INTS2: variants seen among roughly 807,000 people sequenced by gnomAD.
The protein encoded by INTS2 is KIAA1287.
In INTS2, 57 loss-of-function variants were observed where a neutral mutation model predicts 139.6. The observed-to-expected ratio is 0.41, with a 90% CI of 0.33 to 0.51. The LOEUF is 0.51. Ranked by LOEUF, INTS2 falls within the 20% of genes least tolerant of loss-of-function variation. The pLI is 0.28. For synonymous variants in INTS2, 473 were observed against 493.4 expected, an observed-to-expected ratio of 0.96 and a Z score of 0.55; for missense variants, 1,196 against 1,436.7, an observed-to-expected ratio of 0.83 and a Z score of 2.71.
intron 5 of INTS2, among the ~76,000 whole-genome samples, chr17:61,912,592 A>G (rs2079539008): frequency 6.6e-6 from 1 of 152,118 alleles, no homozygotes; most frequent in Non-Finnish European, 1.5e-5. Flanking sequence ...ATTACACTCC[A>G]GCCTGGGGCG....
chr17:61,891,724 T>C (rs2079297101), intron 13 of INTS2, 35 bp from the exon 14 acceptor site: 1 of 1,506,324 alleles, frequency 6.6e-7, no homozygotes, highest in African/African-American at 1.4e-5. Flanking sequence ...GAATTAATTG[T>C]GGCAAAAAGA....
intron 18 of INTS2, among the ~76,000 whole-genome samples, chr17:61,877,143 T>C (rs2079133661): frequency 6.6e-6 from 1 of 151,930 alleles, no homozygotes; most frequent in Non-Finnish European, 1.5e-5. Context: ...CCTTGTAGAG[T>C]AGAAAGTCAA....
chr17:61,878,430 G>A (rs1369914456), intron 17 of INTS2, among the ~76,000 whole-genome samples: 1 of 151,996 alleles, frequency 6.6e-6, no homozygotes, highest in African/African-American at 2.4e-5. Context: ...CAGGCGTGGT[G>A]GCAGGCACCT....
In INTS2 at chr17:61,881,139, T is replaced by C; in HGVS notation, c.2122A>G (p.Thr708Ala). The C allele has an allele frequency of 6.2e-7, 1 of 1,613,498 alleles. No homozygotes were observed. The highest frequency in any genetic ancestry group is 8.5e-7 in the Non-Finnish European group (1 of 1,179,550). ...ACAATACATAAATGTGGGTAGTTAG[T>C]AGCAAGGAGACGTAGTAAAGCTGAA... is the stretch of plus-strand genomic sequence containing the variant. The part of the protein sequence containing the change: ...LHSALLRLLA[T>A]NYPHLCIVDD... The change falls in exon 17 of 25, where the codon ACT becomes GCT. Residue 708 changes from threonine to alanine, a missense_variant. Transcript: ENST00000251334.
rs369745739 is a variant in INTS2 at position 61,867,245 on chromosome 17, C to G, written c.*312G>C. 5.8e-6 allele frequency: 1 copy of G among 173,066 alleles called. No individual in the cohort carries two copies. Among genetic ancestry groups the G allele is most frequent in the Non-Finnish European group, 1.2e-5 (1 of 82,364 alleles). 10.7% of individuals were successfully genotyped at this position (173,066 alleles called of 1,614,324 possible). A position where few individuals can be genotyped will look rare whatever the true frequency, so the allele number is the denominator to read the frequency against. ...GAAATTAAAGGCATGGCAGTCTTCACTTCAAAAGCTAAATACAAGGCCAAA... is the reference window on the plus strand; with the variant it reads ...GAAATTAAAGGCATGGCAGTCTTCAGTTCAAAAGCTAAATACAAGGCCAAA... On this transcript the variant is annotated 3_prime_UTR_variant, in exon 25 of 25. Coordinates refer to ENST00000251334, the MANE Select transcript of INTS2 (RefSeq NM_001351695.2). This position sits in a 1 kb window ranked among gnomAD's most constrained non-coding sequence, Gnocchi z 5.6.
In INTS2 at chr17:61,911,654, T is replaced by A. The variant is rs771811758; in HGVS notation, c.820A>T (p.Thr274Ser). 6.2e-7 allele frequency: 1 copy of A among 1,613,780 alleles called. No individual in the cohort carries two copies. The highest frequency in any genetic ancestry group is 1.1e-5 in the South Asian group (1 of 91,034). Residue 274 changes from threonine (T) to serine (S), a missense_variant, in exon 7 of 25, where the codon ACA becomes TCA. By Grantham distance (58) the Thr-to-Ser change is moderately conservative. Coordinates refer to ENST00000251334, the MANE Select transcript of INTS2 (RefSeq NM_001351695.2). ...GCTTCATTTTTAGTATGATCCAATG[T>A]CAAAGCCACACCAAGGCCTGGCAAG... Reference protein sequence around the residue: ...CHLPGLGVALTLDHTKNEACE... With the variant: ...CHLPGLGVALSLDHTKNEACE...
chr17:61,901,681 G>T (rs1413555167), intron 9 of INTS2, among the ~76,000 whole-genome samples: 1 of 132,500 alleles, frequency 7.5e-6, no homozygotes, highest in Non-Finnish European at 1.5e-5. Flanking sequence ...CTCACTGCAA[G>T]CTCTGCCTCC....
At position 61,872,530 on chromosome 17, in the gene INTS2, A is replaced by T; in HGVS notation, c.2583-70T>A. 1 of 1,062,602 alleles carries T rather than the reference A, an allele frequency of 9.4e-7. No individual in the cohort carries two copies. The highest frequency in any genetic ancestry group is 1.3e-6 in the Non-Finnish European group (1 of 762,270). The allele number at this position is 1,062,602 out of a possible 1,614,324, so 65.8% of individuals were successfully genotyped here. Reference sequence around the variant, plus strand: ...AAATTTATAAATTAGCCAGAACATGATCAATTTAGTTTAAATGCTGAGAAA... The same window carrying T: ...AAATTTATAAATTAGCCAGAACATGTTCAATTTAGTTTAAATGCTGAGAAA... On this transcript the variant is annotated intron_variant, in intron 19 of 24. Coordinates refer to ENST00000251334, the MANE Select transcript of INTS2 (RefSeq NM_001351695.2). This position sits in a 1 kb window ranked among gnomAD's most constrained non-coding sequence, Gnocchi z 4.8.
Position 61,909,435 on chromosome 17 carries a change from G to A in INTS2, c.955-1801C>T, listed in dbSNP as rs566010151. 1.3e-5 allele frequency among the ~76,000 whole-genome samples: 2 copies of A among 152,170 alleles called. No individual in the cohort carries two copies. The highest frequency in any genetic ancestry group is 1.9e-4 in the East Asian group (1 of 5,168). On this transcript the variant is annotated intron_variant, in intron 7 of 24. Coordinates refer to ENST00000251334, the MANE Select transcript of INTS2 (RefSeq NM_001351695.2). This position sits in a 1 kb window ranked among gnomAD's most constrained non-coding sequence, Gnocchi z 4.9. ...TTACTTCTTATTTTTATAGATTTAG[G>A]GGGTACAAGTGCAGTTTTGTTACAT...
At chr17:61,881,391 G>C (rs1444251416) in intron 16 of INTS2, among the ~76,000 whole-genome samples, 5 of 152,208 alleles carry the variant, frequency 3.3e-5, no homozygotes, top group Admixed American at 3.3e-4. Flanking sequence ...GAGGTCAGGA[G>C]TTCAAGACCA....
chr17:61,889,774 C>G lies in INTS2; in HGVS notation c.1984+12G>C. 3.6e-6 allele frequency: 5 copies of G among 1,373,140 alleles called. No individual in the cohort carries two copies. The highest frequency in any genetic ancestry group is 5.2e-6 in the Non-Finnish European group (5 of 966,614). 85.1% of individuals were successfully genotyped at this position (1,373,140 alleles called of 1,614,324 possible). ...AACTACCACTAGAACCACTCCTCTA[C>G]GTACAACTTACCTAAAGTCTTCGTG... On this transcript the variant is annotated intron_variant, in intron 15 of 24. Transcript: ENST00000251334.
intron 16 of INTS2, among the ~76,000 whole-genome samples, chr17:61,883,643 T>C (rs1339347825): frequency 6.6e-6 from 1 of 151,118 alleles, no homozygotes; most frequent in Non-Finnish European, 1.5e-5. Context: ...TCCCAGCTAC[T>C]CGGGAGGCTG....
At chr17:61,895,740 A>T (rs1365726552) in intron 11 of INTS2, among the ~76,000 whole-genome samples, 4 of 152,102 alleles carry the variant, frequency 2.6e-5, no homozygotes, top group African/African-American at 7.2e-5. Flanking sequence ...ACACAAATAT[A>T]TGTATATATG....
In INTS2 at chr17:61,865,470, CCTTAA is replaced by C. The variant is rs879310107; in HGVS notation, c.*2082_*2086del. On this transcript the variant is annotated 3_prime_UTR_variant, in exon 25 of 25. Coordinates refer to ENST00000251334, the MANE Select transcript of INTS2 (RefSeq NM_001351695.2). The surrounding 1 kb of genome is among the most constrained non-coding windows in gnomAD (Gnocchi z 4.8). ...AAACACATTGTGACAAATTTTATAA[CCTTAA>C]CTTAAAATACATGAATATTAACATT... 6 of 152,574 alleles carry C rather than the reference CCTTAA, an allele frequency of 3.9e-5. No individual in the cohort carries two copies. The highest frequency in any genetic ancestry group is 1.3e-4 in the Admixed American group (2 of 15,282). 9.5% of individuals were successfully genotyped at this position (152,574 alleles called of 1,614,324 possible).
At chr17:61,883,752 C>CAA (rs562307759) in intron 16 of INTS2, among the ~76,000 whole-genome samples, 2 of 86,354 alleles carry the variant, frequency 2.3e-5, no homozygotes, top group African/African-American at 4.3e-5. Context: ...AACTCCGTCT[C>CAA]AAAAAAAAAA....
chr17:61,879,881 C>T (rs563441827), intron 17 of INTS2, among the ~76,000 whole-genome samples: 2 of 152,204 alleles, frequency 1.3e-5, no homozygotes, highest in South Asian at 4.2e-4. Flanking sequence ...CATATTTGGT[C>T]AAATAAAATG....
intron 8 of INTS2, among the ~76,000 whole-genome samples, chr17:61,905,698 T>C (rs953059887): frequency 1.7e-4 from 25 of 148,010 alleles, no homozygotes; most frequent in African/African-American, 6.7e-4. Context: ...CTTTTTTTTA[T>C]GTTTTTTGTT....
rs1432746158 is a variant in INTS2 at position 61,871,084 on chromosome 17, C to G, written c.2779-1096G>C. On this transcript the variant is annotated intron_variant, in intron 20 of 24. Coordinates refer to ENST00000251334, the MANE Select transcript of INTS2 (RefSeq NM_001351695.2). This position sits in a 1 kb window ranked among gnomAD's most constrained non-coding sequence, Gnocchi z 4.9. Reference sequence around the variant, plus strand: ...GATCTTCAATCCCTTATCTGAAACTCCTAGGAACAGATTTATTTTATTGAT... The same window carrying G: ...GATCTTCAATCCCTTATCTGAAACTGCTAGGAACAGATTTATTTTATTGAT... Among the ~76,000 whole-genome samples the G allele has an allele frequency of 1.3e-5, 2 of 152,078 alleles. No homozygotes were observed. Among genetic ancestry groups the G allele is most frequent in the Non-Finnish European group, 2.9e-5 (2 of 68,014 alleles).
chr17:61,919,454 C>T lies in INTS2; in HGVS notation c.595G>A (p.Gly199Ser). The part of the protein sequence containing the change: ...VAEALLHVRN[G>S]AWFLCLLVAN... ...ACCAAGAGACACAAGAACCAGGCAC[C>T]ATTTCTAACATGTAGCAAAGCTTCA... Residue 199 changes from glycine (G) to serine (S), a missense_variant, in exon 5 of 25, where the codon GGT (glycine) becomes AGT (serine). Around this residue, in one of 3 missense-constraint regions of INTS2, gnomAD observed 1,129 missense variants for 1,341.9 expected, o/e 0.84. Coordinates refer to ENST00000251334, the MANE Select transcript of INTS2 (RefSeq NM_001351695.2). 1.2e-6 allele frequency: 2 copies of T among 1,603,194 alleles called. No homozygotes were observed. Among genetic ancestry groups the T allele is most frequent in the Non-Finnish European group, 1.7e-6 (2 of 1,174,460 alleles).
Sources: gnomAD v4.1 joint callset for allele counts (sites outside exome capture counted in the v4.1 genomes callset) on GRCh38, gnomAD v4.1.1 for gene constraint, gnomAD v4.1.1 regional missense constraint, Gnocchi (gnomAD v3.1) non-coding constraint, MANE v1.5 for transcripts, NCBI Gene and HGNC (gene_info 2026-07-23, HGNC 2026-07-21) for gene names.